The following TRIP12 variants were observed in gnomAD, a reference collection of about 807,000 sequenced individuals.
TRIP12 encodes the protein E3 ubiquitin-protein ligase TRIP12.
Under a neutral mutation model 244.2 loss-of-function variants are expected in TRIP12, and 25 were observed. The ratio of observed to expected loss-of-function variants is 0.10; its 90% CI spans 0.07 to 0.14. The LOEUF is 0.14. Ranked by LOEUF, TRIP12 falls within the 10% of genes least tolerant of loss-of-function variation. TRIP12 has a pLI of 1.00. For synonymous variants in TRIP12, 905 were observed against 873.1 expected (o/e 1.04, Z -0.64); for missense variants, 1,677 against 2,486.4 (o/e 0.67, Z 6.92).
At chr2:229,835,246 C>T (rs972943852) in intron 6 of TRIP12, among the ~76,000 whole-genome samples, 9 of 152,142 alleles carry the variant, frequency 5.9e-5, no homozygotes, top group Admixed American at 6.6e-5. Flanking sequence ...TCACCAGCTA[C>T]AATACACAGC....
At position 229,791,224 on chromosome 2, in the gene TRIP12, T is replaced by G; in HGVS notation, c.4443A>C (p.Glu1481Asp). ...IWYKPVREDE[E>D]SNKDCVGGKR... ...TACCACCAACACAATCTTTATTACT[T>G]TCTTCATCCTCTCTCACAGGTTTAT... is the stretch of plus-strand genomic sequence containing the variant. Residue 1481 changes from glutamate to aspartate, a missense_variant, in exon 30 of 42, where the codon GAA becomes GAC. Physicochemically the swap from Glu to Asp is conservative, Grantham distance 45. This residue lies in a region of TRIP12 where 265 missense variants were observed against 370.8 expected (regional missense o/e 0.71). Coordinates refer to ENST00000675903, the MANE Select transcript of TRIP12 (RefSeq NM_001348323.3). 1 of 1,614,124 alleles carries G rather than the reference T, an allele frequency of 6.2e-7. No individual in the cohort carries two copies. The highest frequency in any genetic ancestry group is 1.1e-5 in the South Asian group (1 of 91,088).
intron 2 of TRIP12, among the ~76,000 whole-genome samples, chr2:229,863,332 A>T (rs2154339170): frequency 1.3e-5 from 2 of 152,270 alleles, no homozygotes; most frequent in East Asian, 3.9e-4. Context: ...TGTTTAAAAA[A>T]TATATTTTAA....
chr2:229,912,380 T>C (rs2074452201), intron 1 of TRIP12, among the ~76,000 whole-genome samples: 1 of 152,208 alleles, frequency 6.6e-6, no homozygotes, highest in African/African-American at 2.4e-5. Context: ...TATTCAGGGA[T>C]CAACAATCAT....
intron 1 of TRIP12, among the ~76,000 whole-genome samples, chr2:229,891,759 CAT>C (rs879812420): frequency 4.6e-5 from 7 of 152,300 alleles, no homozygotes; most frequent in Admixed American, 3.3e-4. Flanking sequence ...GTAATTTTTA[CAT>C]GACTCTCCCA....
intron 1 of TRIP12, among the ~76,000 whole-genome samples, chr2:229,907,434 A>T (rs1006645048): frequency 6.6e-6 from 1 of 152,228 alleles, no homozygotes; most frequent in Admixed American, 6.5e-5. Context: ...CTACCACTCA[A>T]ATAATTCCAA....
At chr2:229,887,789 ATTAT>A (rs1466367224) in intron 1 of TRIP12, among the ~76,000 whole-genome samples, 4 of 152,206 alleles carry the variant, frequency 2.6e-5, no homozygotes, top group Admixed American at 1.3e-4. Flanking sequence ...TTACCTAGGA[ATTAT>A]TTAATTTTCT....
intron 1 of TRIP12, among the ~76,000 whole-genome samples, chr2:229,895,404 TGTGA>T (rs2068533468): frequency 6.6e-6 from 1 of 151,630 alleles, no homozygotes; most frequent in African/African-American, 2.4e-5. Context: ...AGTGAAGAAA[TGTGA>T]GACATATCTA....
In TRIP12 at chr2:229,818,326, C is replaced by T. The variant is rs757872101; in HGVS notation, c.1599+38G>A. The T allele has an allele frequency of 1.4e-5, 22 of 1,606,810 alleles. No homozygotes were observed. The African/African-American group carries it at 2.5e-4, about 19-fold the overall frequency. On this transcript the variant is annotated intron_variant, in intron 9 of 41. Coordinates refer to ENST00000675903, the MANE Select transcript of TRIP12 (RefSeq NM_001348323.3). ...TACAAAATCGGCAGATTTCAGAGGA[C>T]AAATGAGGTAAAAACGAGGGAAAAA...
intron 16 of TRIP12, 41 bp downstream of exon 16, chr2:229,808,211 C>A: frequency 6.9e-7 from 1 of 1,443,732 alleles, no homozygotes; most frequent in Admixed American, 1.7e-5. Context: ...CGTGATTCAC[C>A]CGCCTTGGCC....
upstream of TRIP12, chr2:229,922,348 A>C (rs1195734899): frequency 2.0e-5 from 13 of 648,780 alleles, no homozygotes; most frequent in Non-Finnish European, 3.5e-5. Flanking sequence ...AATTTCACGG[A>C]TCAGGGTTCC....
At position 229,769,296 on chromosome 2, in the gene TRIP12, T is replaced by C; in HGVS notation, c.5838A>G (p.Ala1946=). The part of the protein sequence containing the change: ...ELDQLLCGSK[A]DTWDAKTLME... ...TCAGTGTCTTTGCATCCCAAGTGTCTGCTTTACTGCCACAAAGGAGCTGAT... is the reference window on the plus strand; with the variant it reads ...TCAGTGTCTTTGCATCCCAAGTGTCCGCTTTACTGCCACAAAGGAGCTGAT... Residue 1946 remains alanine, a synonymous_variant, in exon 40 of 42, where the codon GCA becomes GCG. Coordinates refer to ENST00000675903, the MANE Select transcript of TRIP12 (RefSeq NM_001348323.3). 2.5e-6 allele frequency: 4 copies of C among 1,614,084 alleles called. No individual in the cohort carries two copies. The highest frequency in any genetic ancestry group is 3.4e-6 in the Non-Finnish European group (4 of 1,179,996).
At chr2:229,830,451 C>A (rs567047771) in intron 7 of TRIP12, among the ~76,000 whole-genome samples, 8 of 152,220 alleles carry the variant, frequency 5.3e-5, no homozygotes, top group African/African-American at 1.9e-4. Context: ...ATTAAGGTAC[C>A]CATTTTTCAA....
chr2:229,869,974 A>G (rs1432261296), intron 2 of TRIP12, among the ~76,000 whole-genome samples: 1 of 152,202 alleles, frequency 6.6e-6, no homozygotes, highest in African/African-American at 2.4e-5. Flanking sequence ...AGAAAGAAAA[A>G]AGCTAAATCT....
At position 229,767,471 on chromosome 2, in the gene TRIP12, T is replaced by C; in HGVS notation, c.*83A>G. On this transcript the variant is annotated 3_prime_UTR_variant, in exon 42 of 42. Coordinates refer to ENST00000675903, the MANE Select transcript of TRIP12 (RefSeq NM_001348323.3). ...CAACAAGAAGGCGTAACATGTTTCCTTGACTCAGGTGATAACATTAGAAAA... is the reference window on the plus strand; with the variant it reads ...CAACAAGAAGGCGTAACATGTTTCCCTGACTCAGGTGATAACATTAGAAAA... The C allele has an allele frequency of 6.8e-7, 1 of 1,462,778 alleles. No individual in the cohort carries two copies. Among genetic ancestry groups the C allele is most frequent in the Non-Finnish European group, 9.1e-7 (1 of 1,100,504 alleles). The allele number at this position is 1,462,778 out of a possible 1,614,324, so 90.6% of individuals were successfully genotyped here. A position where few individuals can be genotyped will look rare whatever the true frequency, so the allele number is the denominator to read the frequency against.
chr2:229,879,879 C>T (rs1269527380), intron 2 of TRIP12, 103 bp downstream of exon 2: 2 of 1,260,042 alleles, frequency 1.6e-6, no homozygotes, highest in Non-Finnish European at 2.3e-6. Flanking sequence ...GGAAAAATTA[C>T]CCATATGCAA....
At chr2:229,902,994 G>GTTTTT in intron 1 of TRIP12, among the ~76,000 whole-genome samples, 1 of 95,548 alleles carries the variant, frequency 1.0e-5, no homozygotes, top group African/African-American at 4.7e-5. Context: ...CTGTGTGCGG[G>GTTTTT]TTTTTTTTTC....
At chr2:229,862,061 A>AT (rs1428945797) in intron 2 of TRIP12, among the ~76,000 whole-genome samples, 1 of 151,890 alleles carries the variant, frequency 6.6e-6, no homozygotes, top group African/African-American at 2.4e-5. Context: ...GTTATTTTTT[A>AT]TTTTTTGGTG....
chr2:229,893,480 AACT>A (rs1358205415), intron 1 of TRIP12, among the ~76,000 whole-genome samples: 1 of 137,106 alleles, frequency 7.3e-6, no homozygotes, highest in African/African-American at 2.7e-5. Context: ...CCAACTCTGC[AACT>A]ACTGTTCTAA....
intron 7 of TRIP12, 45 bp from the exon 8 acceptor site, chr2:229,829,333 T>C: frequency 2.0e-6 from 3 of 1,476,616 alleles, no homozygotes; most frequent in Non-Finnish European, 2.8e-6. Flanking sequence ...GATGACTTCA[T>C]GCAACTGATG....
Sources: allele counts gnomAD v4.1 joint callset (sites outside exome capture counted in the v4.1 genomes callset), GRCh38; gene constraint gnomAD v4.1.1; regional missense constraint gnomAD v4.1.1; transcripts MANE v1.5; gene names NCBI Gene and HGNC (gene_info 2026-07-23, HGNC 2026-07-21).